The following LPP variants were observed in gnomAD, a reference collection of about 807,000 sequenced individuals.
LPP encodes the protein LIM domain containing preferred translocation partner in lipoma, also known as lipoma-preferred partner.
In LPP, 38 loss-of-function variants were observed where a neutral mutation model predicts 60.4. The ratio of observed to expected loss-of-function variants is 0.63; its 90% confidence interval spans 0.49 to 0.83. The LOEUF (loss-of-function observed/expected upper bound fraction) is 0.83. Among genes scored for constraint, LPP ranks in the 40% least tolerant of loss-of-function variants. The probability of loss-of-function intolerance (pLI) is 0.00; values close to 1 mark genes in which losing one functional copy is unlikely to be tolerated. For missense variants in LPP, 902 were observed against 783.6 expected, an observed-to-expected ratio of 1.15 and a Z score of -1.80; for synonymous variants, 328 against 290.8, an observed-to-expected ratio of 1.13 and a Z score of -1.30.
At position 188,240,342 on chromosome 3, in the gene LPP, AGTGTGT is replaced by A. The variant is rs75173733; in HGVS notation, c.-67+14845_-67+14850del. On this transcript the variant is annotated intron_variant, in intron 2 of 11. Transcript: ENST00000617246. ...ATAAGAGTCAGGAGTTTTGGGTAAG[AGTGTGT>A]GTGTGTGTGTGTGTGTGTGTGTGTG... Among the ~76,000 whole-genome samples, 1,116 of 143,726 alleles carry A rather than the reference AGTGTGT, an allele frequency of 7.8e-3. 15 individuals carry two copies. The highest frequency in any genetic ancestry group is 0.026 in the African/African-American group (1,015 of 38,564). The allele number at this position is 143,726 out of a possible 152,430, so 94.3% of individuals were successfully genotyped here.
chr3:188,258,219 T>C (rs749288464), intron 2 of LPP, among the ~76,000 whole-genome samples: 1 of 152,226 alleles, frequency 6.6e-6, no homozygotes, highest in Admixed American at 6.5e-5. Flanking sequence ...AGTCAGTTCT[T>C]CCCATTTATT....
chr3:188,291,447 G>T (rs1469856785), intron 2 of LPP, among the ~76,000 whole-genome samples: 1 of 151,932 alleles, frequency 6.6e-6, no homozygotes, highest in African/African-American at 2.4e-5. Flanking sequence ...AGACCATCCT[G>T]GCTAACACGG....
chr3:188,190,301 C>A (rs1193310679), intron 1 of LPP, among the ~76,000 whole-genome samples: 1 of 152,004 alleles, frequency 6.6e-6, no homozygotes, highest in Non-Finnish European at 1.5e-5. Flanking sequence ...TCATGTGATC[C>A]GCCCGCCTCG....
At chr3:188,499,580 C>G (rs1811228505) in intron 5 of LPP, among the ~76,000 whole-genome samples, 1 of 152,116 alleles carries the variant, frequency 6.6e-6, no homozygotes. Flanking sequence ...CAGGATTGTT[C>G]TGCCTATTTT....
chr3:188,790,764 T>C (rs900079217), intron 9 of LPP, among the ~76,000 whole-genome samples: 2 of 150,854 alleles, frequency 1.3e-5, no homozygotes, highest in South Asian at 2.1e-4. Flanking sequence ...GAGGTTGCAG[T>C]GAGCCAAGAT....
chr3:188,683,134 G>A lies in LPP; in HGVS notation c.1114-25133G>A, dbSNP rs79089716. Among the ~76,000 whole-genome samples the A allele has an allele frequency of 7.8e-4, 119 of 152,162 alleles. 1 individual carries two copies. The highest frequency in any genetic ancestry group is 2.7e-3 in the African/African-American group (112 of 41,514). ...ATCTTAAGTCACATGTTATGTTACC[G>A]ACTCTGTGGCAATGGCTGTGAGTAG... On this transcript the variant is annotated intron_variant, in intron 7 of 11. Coordinates refer to ENST00000617246, the MANE Select transcript of LPP (RefSeq NM_001375462.1).
intron 9 of LPP, among the ~76,000 whole-genome samples, chr3:188,837,382 C>CATCATA (rs370487700): frequency 0.029 from 4,085 of 140,362 alleles, 90 homozygotes; most frequent in Non-Finnish European, 0.046. Flanking sequence ...CCATCTCAAA[C>CATCATA]ATAATAATAA....
At chr3:188,230,130 G>T (rs1403583743) in intron 2 of LPP, among the ~76,000 whole-genome samples, 1 of 151,696 alleles carries the variant, frequency 6.6e-6, no homozygotes, top group African/African-American at 2.4e-5. Flanking sequence ...TCCGTTGCCA[G>T]GCCAGAGTGC....
intron 4 of LPP, among the ~76,000 whole-genome samples, chr3:188,463,060 G>A (rs1713523649): frequency 1.3e-5 from 2 of 152,202 alleles, no homozygotes; most frequent in African/African-American, 4.8e-5. Context: ...AGCTGAGATT[G>A]TGCCATTGCA....
At chr3:188,488,992 C>T (rs528860998) in intron 5 of LPP, among the ~76,000 whole-genome samples, 7 of 152,220 alleles carry the variant, frequency 4.6e-5, no homozygotes, top group Admixed American at 2.0e-4. Flanking sequence ...TCTTTTCAGC[C>T]AGGCCATAGG....
At chr3:188,706,242 AT>A (rs34133122) in intron 7 of LPP, among the ~76,000 whole-genome samples, 1 of 152,160 alleles carries the variant, frequency 6.6e-6, no homozygotes, top group Non-Finnish European at 1.5e-5. Context: ...GCCCTCCCTG[AT>A]TTTTGGGGGG....
At chr3:188,640,450 A>G (rs1243218544) in intron 7 of LPP, among the ~76,000 whole-genome samples, 2 of 150,230 alleles carry the variant, frequency 1.3e-5, no homozygotes, top group African/African-American at 4.9e-5. Context: ...GCGCACCAGC[A>G]TGGCACATGT....
At chr3:188,595,443 TGCTGACACCTTGATCTTGG>T (rs1292660599) in intron 6 of LPP, among the ~76,000 whole-genome samples, 2 of 152,196 alleles carry the variant, frequency 1.3e-5, no homozygotes, top group African/African-American at 4.8e-5. Flanking sequence ...TCAGCAGTTG[TGCTGACACCTTGATCTTGG>T]GCTAGCCACC....
chr3:188,477,240 G>C (rs765798325), intron 4 of LPP, among the ~76,000 whole-genome samples: 5 of 152,144 alleles, frequency 3.3e-5, no homozygotes, highest in Non-Finnish European at 2.9e-5. Flanking sequence ...CATTCCAGCT[G>C]GTCTGTCCTG....
At chr3:188,602,101 T>C (rs1560619976) in intron 6 of LPP, among the ~76,000 whole-genome samples, 1 of 136,264 alleles carries the variant, frequency 7.3e-6, no homozygotes, top group East Asian at 2.0e-4. Flanking sequence ...CACACACATA[T>C]ACATATACAC....
At chr3:188,600,550 A>G (rs1187569877) in intron 6 of LPP, among the ~76,000 whole-genome samples, 1 of 151,994 alleles carries the variant, frequency 6.6e-6, no homozygotes, top group East Asian at 1.9e-4. Flanking sequence ...ATATAGTGGT[A>G]AAATATACAT....
rs544990124 is a variant in LPP at position 188,879,222 on chromosome 3, A to G, written c.*4743A>G. 2.6e-5 allele frequency: 6 copies of G among 231,088 alleles called. No homozygotes were observed. Among genetic ancestry groups the G allele is most frequent in the Non-Finnish European group, 5.1e-5 (6 of 116,744 alleles). The allele number at this position is 231,088 out of a possible 1,614,324, so 14.3% of individuals were successfully genotyped here. On this transcript the variant is annotated 3_prime_UTR_variant, in exon 12 of 12. Transcript: ENST00000617246. ...AAGTTACCTGACTGAAGCTACTATGACTTGGTAAGGATTCTTCCTCTCTTG... is the reference window on the plus strand; with the variant it reads ...AAGTTACCTGACTGAAGCTACTATGGCTTGGTAAGGATTCTTCCTCTCTTG...
At chr3:188,371,637 A>ATTTTT (rs1560311095) in intron 3 of LPP, among the ~76,000 whole-genome samples, 4 of 29,544 alleles carry the variant, frequency 1.4e-4, no homozygotes, top group African/African-American at 3.4e-4. Context: ...ATATATATAT[A>ATTTTT]TATATTTTTT....
intron 9 of LPP, among the ~76,000 whole-genome samples, chr3:188,785,695 A>G (rs957252949): frequency 3.3e-5 from 5 of 151,384 alleles, no homozygotes; most frequent in African/African-American, 9.7e-5. Context: ...TCTTTTTCGT[A>G]TGACTTCTTT....
Sources: gnomAD v4.1 joint callset for allele counts (sites outside exome capture counted in the v4.1 genomes callset) on GRCh38, gnomAD v4.1.1 for gene constraint, MANE v1.5 for transcripts, NCBI Gene and HGNC (gene_info 2026-07-23, HGNC 2026-07-21) for gene names.